TENM3: variants seen among roughly 807,000 people sequenced by gnomAD.
TENM3 encodes the protein teneurin transmembrane protein 3.
TENM3 carries 63 observed loss-of-function variants against 255.1 expected under a neutral mutation model. That is an observed-to-expected ratio of 0.25 (90% CI 0.20 to 0.30). The LOEUF (loss-of-function observed/expected upper bound fraction) is 0.30. Among genes scored for constraint, TENM3 ranks in the 10% least tolerant of loss-of-function variants. The pLI is 1.00. For synonymous variants in TENM3, 1,306 were observed against 1,322.3 expected (o/e 0.99, Z 0.27); for missense variants, 2,929 against 3,461.1 (o/e 0.85, Z 3.86).
chr4:181,481,722 T>C, the TENM3 span, among the ~76,000 whole-genome samples: 2 of 152,162 alleles, frequency 1.3e-5, no homozygotes, highest in South Asian at 4.1e-4. Flanking sequence ...TATTGCTCAC[T>C]CTCTGAGGCA....
At chr4:181,819,849 C>T in the TENM3 span, among the ~76,000 whole-genome samples, 6 of 152,178 alleles carry the variant, frequency 3.9e-5, no homozygotes, top group Admixed American at 1.3e-4. Flanking sequence ...AGGCTGGAGA[C>T]CAGTACCATT....
intron 18 of TENM3, among the ~76,000 whole-genome samples, chr4:182,740,312 G>A (rs1042206425): frequency 2.0e-5 from 3 of 152,172 alleles, no homozygotes; most frequent in African/African-American, 7.2e-5. Context: ...GGACTCCAGT[G>A]TTCTCTCAGA....
At chr4:181,636,966 G>A in the TENM3 span, among the ~76,000 whole-genome samples, 3 of 151,920 alleles carry the variant, frequency 2.0e-5, no homozygotes, top group Non-Finnish European at 4.4e-5. Context: ...CAGCCATTTC[G>A]CTTCGCTTGA....
intron 1 of TENM3, among the ~76,000 whole-genome samples, chr4:182,179,398 T>A (rs1380882231): frequency 1.3e-5 from 2 of 152,198 alleles, no homozygotes; most frequent in African/African-American, 4.8e-5. Flanking sequence ...TTGAATTAAT[T>A]TTAAAACATC....
At chr4:181,921,667 A>G in the TENM3 span, among the ~76,000 whole-genome samples, 1 of 152,226 alleles carries the variant, frequency 6.6e-6, no homozygotes, top group Non-Finnish European at 1.5e-5. Context: ...ATATACAATC[A>G]TGTCATCTTC....
Position 182,628,710 on chromosome 4 carries a change from G to T in TENM3, c.809G>T (p.Gly270Val), listed in dbSNP as rs766236985. The T allele has an allele frequency of 6.2e-7, 1 of 1,608,318 alleles. No individual in the cohort carries two copies. Among genetic ancestry groups the T allele is most frequent in the Non-Finnish European group, 8.5e-7 (1 of 1,177,322 alleles). ...TTPLFSTATP[G>V]YTMASGSVYS... The stretch of plus-strand genomic sequence containing the variant: ...CCACTGTTCAGTACTGCAACCCCAG[G>T]ATACACAATGGCATCTGGCTCTGTT... Residue 270 changes from glycine to valine, a missense_variant, in exon 5 of 28, where the codon GGA (glycine) becomes GTA (valine). By Grantham distance (109) the Gly-to-Val change is moderately radical. This residue lies in a region of TENM3 where 1,608 missense variants were observed against 1,884.4 expected (regional missense o/e 0.85). Transcript: ENST00000511685.
intron 3 of TENM3, among the ~76,000 whole-genome samples, chr4:182,429,290 A>G (rs1771457952): frequency 6.6e-6 from 1 of 152,238 alleles, no homozygotes; most frequent in Non-Finnish European, 1.5e-5. Flanking sequence ...ATTATTGGAT[A>G]TAAAAACTAA....
intron 6 of TENM3, among the ~76,000 whole-genome samples, chr4:182,660,376 C>T (rs563761974): frequency 5.1e-4 from 78 of 152,312 alleles, no homozygotes; most frequent in South Asian, 2.3e-3. Flanking sequence ...AGAACTGAAG[C>T]TCTGCCACTC....
chr4:182,475,333 A>G (rs564863670), intron 3 of TENM3, among the ~76,000 whole-genome samples: 1 of 152,280 alleles, frequency 6.6e-6, no homozygotes, highest in African/African-American at 2.4e-5. Flanking sequence ...AAATTATGTA[A>G]ATACAAAACT....
the TENM3 span, among the ~76,000 whole-genome samples, chr4:181,488,119 G>A: frequency 1.3e-5 from 2 of 152,176 alleles, no homozygotes; most frequent in Admixed American, 1.3e-4. Context: ...ATTCTTCTTG[G>A]CTTTGTACTG....
intron 12 of TENM3, among the ~76,000 whole-genome samples, chr4:182,709,766 A>G (rs562096058): frequency 1.3e-5 from 2 of 152,250 alleles, no homozygotes; most frequent in African/African-American, 4.8e-5. Flanking sequence ...TCAGGCTCAC[A>G]GTTCTCTATG....
the TENM3 span, among the ~76,000 whole-genome samples, chr4:181,984,789 C>CGT: frequency 0.046 from 6,351 of 138,490 alleles, 167 homozygotes; most frequent in Middle Eastern, 0.068. Flanking sequence ...CTAAAAGAGT[C>CGT]GTGTGTGTGT....
the TENM3 span, among the ~76,000 whole-genome samples, chr4:181,679,436 T>C: frequency 0.78 from 117,736 of 151,582 alleles, 46,079 homozygotes; most frequent in Admixed American, 0.87. Context: ...CTTCTTAACA[T>C]ATCGGTTTAA....
At chr4:182,644,658 A>G (rs11730616) in intron 5 of TENM3, among the ~76,000 whole-genome samples, 79,131 of 152,118 alleles carry the variant, frequency 0.52, 20,958 homozygotes, top group East Asian at 0.71. Context: ...CTTTATTAAC[A>G]TATTGTCTCA....
At chr4:181,966,756 A>G in the TENM3 span, among the ~76,000 whole-genome samples, 3 of 152,092 alleles carry the variant, frequency 2.0e-5, no homozygotes, top group Non-Finnish European at 2.9e-5. Context: ...AATGGGCAAG[A>G]CCCTTCTCAC....
chr4:182,144,384 G>T (rs1013378645), upstream of TENM3: 1 of 152,434 alleles, frequency 6.6e-6, no homozygotes, highest in Non-Finnish European at 1.5e-5. Flanking sequence ...CGGTCCTCCC[G>T]CTCGCGGGCT....
At chr4:182,299,044 G>GAGAAATGAAGCTTCTC (rs1168947177) in intron 1 of TENM3, among the ~76,000 whole-genome samples, 1 of 132,166 alleles carries the variant, frequency 7.6e-6, no homozygotes, top group Non-Finnish European at 1.6e-5. Flanking sequence ...ACTGCAGATT[G>GAGAAATGAAGCTTCTC]AGAAATGAAG....
chr4:181,554,361 T>C, the TENM3 span, among the ~76,000 whole-genome samples: 1 of 152,192 alleles, frequency 6.6e-6, no homozygotes, highest in Admixed American at 6.5e-5. Context: ...AGAATAAGCA[T>C]GCTTCCTGCT....
chr4:182,724,584 A>G (rs1218260754), intron 13 of TENM3, among the ~76,000 whole-genome samples: 1 of 152,202 alleles, frequency 6.6e-6, no homozygotes, highest in African/African-American at 2.4e-5. Context: ...GAAGGTGTCA[A>G]TCTCATGCAG....
Sources: allele counts gnomAD v4.1 joint callset (sites outside exome capture counted in the v4.1 genomes callset), GRCh38; gene constraint gnomAD v4.1.1; regional missense constraint gnomAD v4.1.1; transcripts MANE v1.5; gene names NCBI Gene and HGNC (gene_info 2026-07-23, HGNC 2026-07-21).